Variants in MSI2 observed in about 807,000 individuals in gnomAD.
MSI2 encodes the protein RNA-binding protein Musashi homolog 2.
Under a neutral mutation model 45.6 loss-of-function variants are expected in MSI2, and 17 were observed. The observed-to-expected ratio is 0.37, with a 90% confidence interval of 0.26 to 0.56. The LOEUF is 0.56. Ranked by LOEUF, MSI2 falls within the 20% of genes least tolerant of loss-of-function variation. The probability of loss-of-function intolerance (pLI) is 0.77; values close to 1 mark genes in which losing one functional copy is unlikely to be tolerated. For missense variants in MSI2, 293 were observed against 444.2 expected, an observed-to-expected ratio of 0.66 and a Z score of 3.06; for synonymous variants, 156 against 158.2, an observed-to-expected ratio of 0.99 and a Z score of 0.11.
intron 8 of MSI2, among the ~76,000 whole-genome samples, chr17:57,607,055 A>G (rs569863516): frequency 2.0e-4 from 30 of 152,350 alleles, no homozygotes; most frequent in African/African-American, 7.0e-4. Context: ...GGGTAAGGCC[A>G]TCGCACAGAG....
intron 10 of MSI2, among the ~76,000 whole-genome samples, chr17:57,633,876 T>C (rs1909623644): frequency 1.3e-5 from 2 of 152,288 alleles, no homozygotes; most frequent in South Asian, 4.1e-4. Flanking sequence ...TCCAGAGTGG[T>C]TTTCCCATTT....
At chr17:57,526,356 G>GGTGTGTGTGTGTGTGTGTGTGTGT (rs71143203) in intron 6 of MSI2, among the ~76,000 whole-genome samples, 1 of 122,562 alleles carries the variant, frequency 8.2e-6, no homozygotes, top group Non-Finnish European at 1.7e-5. Context: ...GATATACCTG[G>GGTGTGTGTGTGTGTGTGTGTGTGT]GTGTGTGTGT....
At chr17:57,410,265 G>T (rs1342676109) in intron 6 of MSI2, among the ~76,000 whole-genome samples, 3 of 152,080 alleles carry the variant, frequency 2.0e-5, no homozygotes, top group Non-Finnish European at 4.4e-5. Flanking sequence ...CATCTTCCTT[G>T]ACCACCTCCA....
chr17:57,555,170 C>T (rs1245022958), intron 7 of MSI2, among the ~76,000 whole-genome samples: 2 of 152,192 alleles, frequency 1.3e-5, no homozygotes, highest in African/African-American at 4.8e-5. Flanking sequence ...GAGGCTTCAG[C>T]CCGGGCCCCA....
intron 5 of MSI2, among the ~76,000 whole-genome samples, chr17:57,382,303 G>T (rs544124901): frequency 6.6e-6 from 1 of 152,306 alleles, no homozygotes; most frequent in South Asian, 2.1e-4. Flanking sequence ...TGTGCTAGAA[G>T]ATGAGAGGCT....
chr17:57,548,118 G>T (rs567030832), intron 7 of MSI2, among the ~76,000 whole-genome samples: 2 of 152,220 alleles, frequency 1.3e-5, no homozygotes, highest in Non-Finnish European at 2.9e-5. Flanking sequence ...TCCTCCCAGT[G>T]TGTGTAGAGG....
intron 7 of MSI2, among the ~76,000 whole-genome samples, chr17:57,564,517 A>G (rs551466496): frequency 1.2e-4 from 18 of 152,304 alleles, no homozygotes; most frequent in Admixed American, 9.8e-4. Context: ...TGGTGAGGCC[A>G]TTCTACCCAT....
intron 6 of MSI2, among the ~76,000 whole-genome samples, chr17:57,513,173 C>T (rs1310439019): frequency 8.6e-5 from 13 of 151,884 alleles, no homozygotes; most frequent in South Asian, 2.1e-4. Flanking sequence ...GGGGTTTCAC[C>T]GTGTTGGTTA....
At chr17:57,553,991 A>G (rs557730324) in intron 7 of MSI2, among the ~76,000 whole-genome samples, 2 of 152,268 alleles carry the variant, frequency 1.3e-5, no homozygotes, top group South Asian at 2.1e-4. Context: ...AGAGACCTCA[A>G]TTCTCCCCTC....
chr17:57,501,500 C>T (rs1375948791), intron 6 of MSI2, among the ~76,000 whole-genome samples: 1 of 152,240 alleles, frequency 6.6e-6, no homozygotes. Flanking sequence ...CAGTTTATCC[C>T]TCAAGGGTGG....
intron 5 of MSI2, among the ~76,000 whole-genome samples, chr17:57,367,984 A>G (rs1331529396): frequency 6.6e-6 from 1 of 152,204 alleles, no homozygotes; most frequent in Non-Finnish European, 1.5e-5. Context: ...AGCATTTCAC[A>G]GACATATGTA....
chr17:57,508,860 G>A (rs564973927), intron 6 of MSI2, among the ~76,000 whole-genome samples: 12 of 152,342 alleles, frequency 7.9e-5, no homozygotes, highest in South Asian at 2.1e-4. Flanking sequence ...GTTCTTGCAC[G>A]TGTTCATGCA....
At position 57,627,516 on chromosome 17, in the gene MSI2, T is replaced by G; in HGVS notation, c.727+213T>G. ...GGTATAACTCACTGGTGCCGGGTATTTGAGAACGGCAGCTTTTAAAGGGAA... is the reference window on the plus strand; with the variant it reads ...GGTATAACTCACTGGTGCCGGGTATGTGAGAACGGCAGCTTTTAAAGGGAA... On this transcript the variant is annotated intron_variant, in intron 10 of 13. Coordinates refer to ENST00000284073, the MANE Select transcript of MSI2 (RefSeq NM_138962.4). This position sits in a 1 kb window ranked among gnomAD's most constrained non-coding sequence, Gnocchi z 4.6. 1 of 586,732 alleles carries G rather than the reference T, an allele frequency of 1.7e-6. No homozygotes were observed. The highest frequency in any genetic ancestry group is 3.0e-6 in the Non-Finnish European group (1 of 328,922). The allele number at this position is 586,732 out of a possible 1,614,324, so 36.3% of individuals were successfully genotyped here.
intron 5 of MSI2, among the ~76,000 whole-genome samples, chr17:57,322,861 G>T (rs2143679735): frequency 6.6e-6 from 1 of 152,300 alleles, no homozygotes. Flanking sequence ...CTTTGGATTA[G>T]TTTGACACCT....
Position 57,280,842 on chromosome 17 carries a change from T to C in MSI2, c.312+18650T>C, listed in dbSNP as rs1019876295. Among the ~76,000 whole-genome samples the C allele has an allele frequency of 2.6e-5, 4 of 152,206 alleles. No homozygotes were observed. The highest frequency in any genetic ancestry group is 2.6e-4 in the Admixed American group (4 of 15,300). ...AAAAAGCTAAGCACACATAAACATT[T>C]TAATCTTTTTCTTCTAAACCCTACT... On this transcript the variant is annotated intron_variant, in intron 5 of 13. Transcript: ENST00000284073. This position sits in a 1 kb window ranked among gnomAD's most constrained non-coding sequence, Gnocchi z 4.2.
At chr17:57,600,430 A>T (rs976193830) in intron 8 of MSI2, among the ~76,000 whole-genome samples, 19 of 152,206 alleles carry the variant, frequency 1.2e-4, no homozygotes, top group African/African-American at 4.3e-4. Context: ...GTTCAATCTC[A>T]TGTGCCTGGC....
At chr17:57,291,353 A>G (rs1910402030) in intron 5 of MSI2, among the ~76,000 whole-genome samples, 2 of 152,182 alleles carry the variant, frequency 1.3e-5, no homozygotes, top group Non-Finnish European at 2.9e-5. Flanking sequence ...TACCCCAACT[A>G]TTCTTCCGTA....
intron 5 of MSI2, among the ~76,000 whole-genome samples, chr17:57,361,074 G>T (rs374069149): frequency 2.0e-5 from 3 of 152,166 alleles, no homozygotes; most frequent in Admixed American, 1.3e-4. Context: ...TGAACTGAGT[G>T]GGGGGTATGT....
chr17:57,473,067 A>T (rs938793276), intron 6 of MSI2, among the ~76,000 whole-genome samples: 2 of 151,722 alleles, frequency 1.3e-5, no homozygotes, highest in Non-Finnish European at 2.9e-5. Flanking sequence ...TAATTTTTGT[A>T]CTTTTAGTAG....
Sources: allele counts gnomAD v4.1 joint callset (sites outside exome capture counted in the v4.1 genomes callset), GRCh38; gene constraint gnomAD v4.1.1; non-coding constraint Gnocchi (gnomAD v3.1); transcripts MANE v1.5; gene names NCBI Gene and HGNC (gene_info 2026-07-23, HGNC 2026-07-21).